The following PNPLA8 variants were observed in gnomAD, a reference collection of about 807,000 sequenced individuals.
The protein encoded by PNPLA8 is calcium-independent phospholipase A2-gamma.
In PNPLA8, 39 loss-of-function variants were observed where a neutral mutation model predicts 76.9. The ratio of observed to expected loss-of-function variants is 0.51; its 90% CI spans 0.39 to 0.66. PNPLA8 has a LOEUF of 0.66. Ranked by LOEUF, PNPLA8 falls within the 30% of genes least tolerant of loss-of-function variation. PNPLA8 has a pLI of 0.00. For missense variants in PNPLA8, 887 were observed against 918.0 expected (o/e 0.97, Z 0.44); for synonymous variants, 301 against 307.9 (o/e 0.98, Z 0.24).
Position 108,515,509 on chromosome 7 carries a change from T to C in PNPLA8, c.-18A>G, listed in dbSNP as rs1863275840. On this transcript the variant is annotated 5_prime_UTR_variant, in exon 3 of 11. Coordinates refer to ENST00000257694, the MANE Select transcript of PNPLA8 (RefSeq NM_001256007.3). The stretch of plus-strand genomic sequence containing the variant: ...ATAGACATAACTTAAAAATCATTTA[T>C]TTTCTATGACATTCTCTCACTTCTT... 6.5e-6 allele frequency: 9 copies of C among 1,383,946 alleles called. No individual in the cohort carries two copies. The highest frequency in any genetic ancestry group is 8.5e-6 in the Non-Finnish European group (9 of 1,061,982). 85.7% of individuals were successfully genotyped at this position (1,383,946 alleles called of 1,614,324 possible). A position where few individuals can be genotyped will look rare whatever the true frequency, so the allele number is the denominator to read the frequency against.
chr7:108,472,714 AAG>A (rs1491578457), intron 10 of PNPLA8, 39 bp from the exon 11 acceptor site: 30 of 1,432,864 alleles, frequency 2.1e-5, no homozygotes, highest in African/African-American at 7.2e-5. Context: ...GGGATAAGAA[AAG>A]AGGGGATAAA....
chr7:108,500,525 G>C (rs1383202235), intron 5 of PNPLA8, among the ~76,000 whole-genome samples: 1 of 152,152 alleles, frequency 6.6e-6, no homozygotes, highest in East Asian at 1.9e-4. Context: ...CCAATCTGTT[G>C]AGATTCCCTG....
intron 1 of PNPLA8, among the ~76,000 whole-genome samples, chr7:108,525,431 G>A (rs1864006395): frequency 6.6e-6 from 1 of 152,186 alleles, no homozygotes; most frequent in East Asian, 1.9e-4. Flanking sequence ...AGTTATCATT[G>A]TATTAGGCGT....
At chr7:108,501,958 C>A (rs1040221345) in intron 5 of PNPLA8, among the ~76,000 whole-genome samples, 1 of 151,882 alleles carries the variant, frequency 6.6e-6, no homozygotes, top group Admixed American at 6.6e-5. Flanking sequence ...ATACTAAAAT[C>A]AAATCAAATC....
chr7:108,479,449 G>T, intron 9 of PNPLA8, 70 bp from the exon 10 acceptor site: 1 of 1,045,526 alleles, frequency 9.6e-7, no homozygotes, highest in Non-Finnish European at 1.4e-6. Flanking sequence ...TATGTAATAA[G>T]CTAAATAAAT....
chr7:108,517,092 C>T (rs1230022452), intron 2 of PNPLA8, among the ~76,000 whole-genome samples: 1 of 152,142 alleles, frequency 6.6e-6, no homozygotes, highest in Non-Finnish European at 1.5e-5. Flanking sequence ...TACAAATGTG[C>T]CAAAGGCCGT....
At chr7:108,510,721 G>C (rs1403784519) in intron 4 of PNPLA8, 1 of 1,600,724 alleles carries the variant, frequency 6.2e-7, no homozygotes, top group Admixed American at 1.7e-5. Flanking sequence ...AAATCAATAA[G>C]AAGCGAATTG....
chr7:108,516,876 T>C (rs1228991177), intron 2 of PNPLA8, among the ~76,000 whole-genome samples: 1 of 151,704 alleles, frequency 6.6e-6, no homozygotes, highest in East Asian at 1.9e-4. Context: ...CACTCCAGCC[T>C]GGGTGATAGA....
intron 10 of PNPLA8, among the ~76,000 whole-genome samples, chr7:108,474,509 G>C (rs552755170): frequency 1.3e-5 from 2 of 152,330 alleles, no homozygotes; most frequent in East Asian, 3.9e-4. Flanking sequence ...ACTAGAATAA[G>C]TGAGTTTAGC....
At chr7:108,515,599 G>T (rs1863281852) in intron 2 of PNPLA8, 25 bp from the exon 3 acceptor site, 2 of 1,244,532 alleles carry the variant, frequency 1.6e-6, no homozygotes, top group South Asian at 6.9e-5. Flanking sequence ...AAAAAAATTA[G>T]AATTCAAGTT....
chr7:108,496,348 A>C, intron 7 of PNPLA8: 1 of 331,410 alleles, frequency 3.0e-6, no homozygotes, highest in South Asian at 7.7e-5. Flanking sequence ...AAAAAAGGCA[A>C]TTGCAACTTT....
intron 9 of PNPLA8, 168 bp from the exon 10 acceptor site, chr7:108,479,547 TAAAG>T (rs1485866163): frequency 1.6e-6 from 1 of 633,536 alleles, no homozygotes; most frequent in Non-Finnish European, 2.8e-6. Context: ...ATTGGTCTCA[TAAAG>T]AAACTTTTTA....
chr7:108,518,775 ATATAT>A (rs1863539601), intron 2 of PNPLA8, among the ~76,000 whole-genome samples: 1 of 139,662 alleles, frequency 7.2e-6, no homozygotes, highest in Non-Finnish European at 1.5e-5. Context: ...ACACACACAC[ATATAT>A]TAAGAAATTA....
intron 2 of PNPLA8, among the ~76,000 whole-genome samples, chr7:108,517,217 A>T (rs1158228370): frequency 6.6e-6 from 1 of 152,172 alleles, no homozygotes; most frequent in African/African-American, 2.4e-5. Context: ...ACTACTACAT[A>T]TCTATTAGAA....
rs769273447 is a variant in PNPLA8 at position 108,514,744 on chromosome 7, C to T, written c.748G>A (p.Asp250Asn). 2.6e-5 allele frequency: 42 copies of T among 1,613,400 alleles called. No homozygotes were observed. The South Asian group carries it at 4.3e-4, about 16-fold the overall frequency. Residue 250 changes from aspartate to asparagine, a missense_variant, in exon 3 of 11, where the codon GAT becomes AAT. Asp to Asn is a conservative substitution (Grantham distance 23). Coordinates refer to ENST00000257694, the MANE Select transcript of PNPLA8 (RefSeq NM_001256007.3). Reference protein sequence around the residue: ...KVEEGKLRSPDPGILAYKPGS... With the variant: ...KVEEGKLRSPNPGILAYKPGS... ...GGCTTATAAGCCAGGATGCCAGGAT[C>T]TGGAGATCTTAATTTCCCCTCTTCT...
At position 108,514,629 on chromosome 7, in the gene PNPLA8, G is replaced by C. The variant is rs1181032786; in HGVS notation, c.863C>G (p.Ala288Gly). The C allele has an allele frequency of 8.7e-6, 14 of 1,613,790 alleles. No homozygotes were observed. Among genetic ancestry groups the C allele is most frequent in the Non-Finnish European group, 1.2e-5 (14 of 1,179,730 alleles). The stretch of plus-strand genomic sequence containing the variant: ...TTCCGTGGGACGAGAAAGAAAGTTA[G>C]CAATACTTTGTTTAGTTGAAACTTG... ...VLQVSTKQSI[A>G]NFLSRPTEGV... The change falls in exon 3 of 11, where the codon GCT (alanine) becomes GGT (glycine). Residue 288 changes from alanine to glycine, a missense_variant. Transcript: ENST00000257694.
intron 4 of PNPLA8, chr7:108,511,038 T>TG (rs1554687491): frequency 6.8e-6 from 3 of 440,148 alleles, no homozygotes; most frequent in South Asian, 6.3e-5. Context: ...GCTCTCAAAT[T>TG]GGAAAAAAAA....
At position 108,496,485 on chromosome 7, in the gene PNPLA8, A is replaced by C. The variant is rs923227600; in HGVS notation, c.1625+99T>G. The stretch of plus-strand genomic sequence containing the variant: ...TATTCTTGATATTTTTCAAATTATA[A>C]TATGCAAGAATATAATTTAATATTG... On this transcript the variant is annotated intron_variant, in intron 7 of 10. Transcript: ENST00000257694. 4.5e-6 allele frequency: 3 copies of C among 661,516 alleles called. No individual in the cohort carries two copies. In the African/African-American group the frequency reaches 5.7e-5, roughly 13 times the overall value. The allele number at this position is 661,516 out of a possible 1,614,324, so 41.0% of individuals were successfully genotyped here.
intron 7 of PNPLA8, 92 bp downstream of exon 7, chr7:108,496,492 A>C: frequency 2.8e-6 from 2 of 722,980 alleles, no homozygotes; most frequent in Non-Finnish European, 4.3e-6. Flanking sequence ...ATAATATGCA[A>C]GAATATAATT....
Sources: gnomAD v4.1 joint callset for allele counts (sites outside exome capture counted in the v4.1 genomes callset) on GRCh38, gnomAD v4.1.1 for gene constraint, MANE v1.5 for transcripts, NCBI Gene and HGNC (gene_info 2026-07-23, HGNC 2026-07-21) for gene names.